ALK: variants seen among roughly 807,000 people sequenced by gnomAD.
ALK encodes the protein ALK tyrosine kinase receptor.
A neutral mutation model predicts 163.1 loss-of-function variants in ALK; 74 were observed. The ratio of observed to expected loss-of-function variants is 0.45; its 90% CI spans 0.38 to 0.55. The LOEUF (loss-of-function observed/expected upper bound fraction) is 0.55. ALK is among the 20% of genes least tolerant of loss of function. The pLI, the probability that ALK is intolerant of heterozygous loss-of-function variation, is 0.00. For synonymous variants in ALK, 960 were observed against 843.2 expected, an observed-to-expected ratio of 1.14 and a Z score of -2.40; for missense variants, 2,063 against 2,105.3, an observed-to-expected ratio of 0.98 and a Z score of 0.39.
intron 4 of ALK, among the ~76,000 whole-genome samples, chr2:29,524,858 G>T (rs575434557): frequency 1.3e-5 from 2 of 152,022 alleles, no homozygotes; most frequent in African/African-American, 2.4e-5. Context: ...TGAGTGGATG[G>T]ATGGATGGAT....
rs368237155 is a variant in ALK, at chr2:29,270,106, AAG to A, written c.2041+4991_2041+4992del. ...CTCTCGAAGACCTATTCAATAATGA[AAG>A]AGAGATCCCTCTTGAAGATCTATTC... On this transcript the variant is annotated intron_variant, in intron 11 of 28. Transcript: ENST00000389048. Among the ~76,000 whole-genome samples, 154 of 152,264 alleles carry A rather than the reference AAG, an allele frequency of 1.0e-3. 3 individuals carry two copies. In the East Asian group the frequency reaches 0.024, roughly 24 times the overall value.
At chr2:29,448,176 A>C (rs564814180) in intron 4 of ALK, among the ~76,000 whole-genome samples, 11 of 152,336 alleles carry the variant, frequency 7.2e-5, no homozygotes, top group Non-Finnish European at 4.4e-5. Flanking sequence ...GTTCGAATCA[A>C]ATCTCTAACA....
In ALK at chr2:29,220,689, G is replaced by T. The variant is rs1669775996; in HGVS notation, c.3645+17C>A. 6.2e-7 allele frequency: 1 copy of T among 1,613,260 alleles called. No homozygotes were observed. Among genetic ancestry groups the T allele is most frequent in the Admixed American group, 1.7e-5 (1 of 59,958 alleles). On this transcript the variant is annotated intron_variant, in intron 23 of 28. Coordinates refer to ENST00000389048, the MANE Select transcript of ALK (RefSeq NM_004304.5). ...TCCTTGGCACAACAACTGCAGCAAA[G>T]ACTGGTTCTCACTCACCGGGCGAGG...
At chr2:29,807,503 G>A (rs897312640) in intron 1 of ALK, among the ~76,000 whole-genome samples, 1 of 152,226 alleles carries the variant, frequency 6.6e-6, no homozygotes, top group African/African-American at 2.4e-5. Flanking sequence ...CTCAGGGCTT[G>A]TTCCTTGGCC....
At chr2:29,843,106 T>C (rs1204297776) in intron 1 of ALK, among the ~76,000 whole-genome samples, 1 of 151,938 alleles carries the variant, frequency 6.6e-6, no homozygotes, top group Non-Finnish European at 1.5e-5. Flanking sequence ...AAGAAAAATA[T>C]TGGGGCTTGA....
At chr2:29,567,146 G>C (rs1326767598) in intron 3 of ALK, among the ~76,000 whole-genome samples, 1 of 152,172 alleles carries the variant, frequency 6.6e-6, no homozygotes, top group African/African-American at 2.4e-5. Context: ...GTGCAGGAGG[G>C]ATCTTTAAGA....
intron 4 of ALK, among the ~76,000 whole-genome samples, chr2:29,471,002 A>C (rs1381390306): frequency 6.6e-6 from 1 of 152,158 alleles, no homozygotes; most frequent in Non-Finnish European, 1.5e-5. Context: ...AATTTAAGAT[A>C]TACTCTAATG....
At chr2:29,410,085 C>A (rs1346399976) in intron 4 of ALK, among the ~76,000 whole-genome samples, 1 of 152,170 alleles carries the variant, frequency 6.6e-6, no homozygotes, top group Non-Finnish European at 1.5e-5. Context: ...AAGGATACAT[C>A]CAAGAGCTGC....
intron 1 of ALK, among the ~76,000 whole-genome samples, chr2:29,798,848 A>T (rs1664391041): frequency 6.6e-6 from 1 of 152,208 alleles, no homozygotes; most frequent in African/African-American, 2.4e-5. Context: ...GAAAAAAAAG[A>T]GAGGGAGAAA....
intron 8 of ALK, among the ~76,000 whole-genome samples, chr2:29,315,158 G>T (rs1314802911): frequency 6.6e-6 from 1 of 151,800 alleles, no homozygotes; most frequent in African/African-American, 2.4e-5. Flanking sequence ...CTTGTTTGTG[G>T]CTGGGCGAGG....
chr2:29,596,997 C>T lies in ALK; in HGVS notation c.953-64881G>A, dbSNP rs564821064. On this transcript the variant is annotated intron_variant, in intron 3 of 28. Transcript: ENST00000389048. ...CCCAGAGGGGATATTCTAGTCTCGG[C>T]TGCTGGGTCTTTAGTTGGTGTGACT... is the stretch of plus-strand genomic sequence containing the variant. 1.2e-4 allele frequency among the ~76,000 whole-genome samples: 18 copies of T among 152,326 alleles called. No homozygotes were observed. The East Asian group carries it at 3.3e-3, about 28-fold the overall frequency.
At chr2:29,868,326 G>A (rs919220426) in intron 1 of ALK, among the ~76,000 whole-genome samples, 42 of 152,302 alleles carry the variant, frequency 2.8e-4, no homozygotes, top group African/African-American at 8.7e-4. Flanking sequence ...CACATTGTAG[G>A]CACTTGGGAG....
At chr2:29,762,819 T>G (rs1294555745) in intron 1 of ALK, among the ~76,000 whole-genome samples, 1 of 152,168 alleles carries the variant, frequency 6.6e-6, no homozygotes, top group Non-Finnish European at 1.5e-5. Flanking sequence ...CTGGGCGCAG[T>G]GGCTCACGAC....
intron 4 of ALK, among the ~76,000 whole-genome samples, chr2:29,406,170 G>A (rs1669579442): frequency 6.6e-6 from 1 of 152,164 alleles, no homozygotes; most frequent in Non-Finnish European, 1.5e-5. Flanking sequence ...CACGACCTTG[G>A]GACAAGTCAA....
At chr2:29,686,069 A>ACC (rs1305661398) in intron 3 of ALK, among the ~76,000 whole-genome samples, 1 of 152,162 alleles carries the variant, frequency 6.6e-6, no homozygotes, top group African/African-American at 2.4e-5. Flanking sequence ...ATCCAAGACA[A>ACC]TCTCATCTGC....
chr2:29,445,678 C>T (rs1226940062), intron 4 of ALK, among the ~76,000 whole-genome samples: 3 of 152,150 alleles, frequency 2.0e-5, no homozygotes, highest in Non-Finnish European at 2.9e-5. Flanking sequence ...AAAAATTAGC[C>T]GGGTGTGGTG....
At chr2:29,235,193 C>G (rs1269052742) in intron 13 of ALK, among the ~76,000 whole-genome samples, 1 of 152,186 alleles carries the variant, frequency 6.6e-6, no homozygotes, top group Non-Finnish European at 1.5e-5. Context: ...ACAGCTCAGA[C>G]GAATTCTTCA....
At chr2:29,319,362 C>T (rs1666936713) in intron 7 of ALK, among the ~76,000 whole-genome samples, 1 of 152,136 alleles carries the variant, frequency 6.6e-6, no homozygotes, top group South Asian at 2.1e-4. Context: ...TATTAAGTAA[C>T]AAATTCGGGT....
chr2:29,364,150 G>A (rs915398691), intron 5 of ALK, among the ~76,000 whole-genome samples: 12 of 152,162 alleles, frequency 7.9e-5, no homozygotes, highest in Non-Finnish European at 1.5e-4. Flanking sequence ...CGAAAGGGAG[G>A]CTATTCAGAT....
Sources: allele counts gnomAD v4.1 joint callset (sites outside exome capture counted in the v4.1 genomes callset), GRCh38; gene constraint gnomAD v4.1.1; transcripts MANE v1.5; gene names NCBI Gene and HGNC (gene_info 2026-07-23, HGNC 2026-07-21).